NR1H4: variants seen among roughly 807,000 people sequenced by gnomAD.
The protein encoded by NR1H4 is nuclear receptor subfamily 1 group H member 4, also known as bile acid receptor.
NR1H4 carries 23 observed loss-of-function variants against 58.5 expected under a neutral mutation model. The observed-to-expected ratio is 0.39, with a 90% CI of 0.28 to 0.56. The LOEUF is 0.56. Ranked by LOEUF, NR1H4 falls within the 20% of genes least tolerant of loss-of-function variation. NR1H4 has a pLI of 0.58. For missense variants in NR1H4, 487 were observed against 576.9 expected, an observed-to-expected ratio of 0.84 and a Z score of 1.60; for synonymous variants, 214 against 198.0, an observed-to-expected ratio of 1.08 and a Z score of -0.68.
intron 3 of NR1H4, among the ~76,000 whole-genome samples, chr12:100,502,100 AGC>A (rs1953848865): frequency 6.6e-6 from 1 of 152,256 alleles, no homozygotes; most frequent in South Asian, 2.1e-4. Context: ...TGTTGTGCTA[AGC>A]ATTTTATAAA....
intron 3 of NR1H4, among the ~76,000 whole-genome samples, chr12:100,502,914 C>T (rs760605153): frequency 3.9e-5 from 6 of 152,158 alleles, no homozygotes; most frequent in Admixed American, 1.3e-4. Context: ...GGGAAACCAA[C>T]CCCATGATTC....
At chr12:100,538,279 A>G (rs1954858570) in intron 8 of NR1H4, among the ~76,000 whole-genome samples, 2 of 152,156 alleles carry the variant, frequency 1.3e-5, no homozygotes, top group African/African-American at 2.4e-5. Context: ...ATGTAAGATG[A>G]ATTTGAATGG....
intron 3 of NR1H4, among the ~76,000 whole-genome samples, chr12:100,500,447 C>T (rs747576947): frequency 6.6e-6 from 1 of 152,178 alleles, no homozygotes; most frequent in Non-Finnish European, 1.5e-5. Context: ...AGCTCTACTT[C>T]GTCCAATACA....
intron 4 of NR1H4, among the ~76,000 whole-genome samples, chr12:100,532,099 CTT>C (rs557294782): frequency 9.2e-5 from 14 of 152,308 alleles, no homozygotes; most frequent in African/African-American, 3.4e-4. Flanking sequence ...CCTTTAAACT[CTT>C]GGAGCCCAGG....
At chr12:100,511,230 C>G in intron 4 of NR1H4, 87 bp downstream of exon 4, 1 of 1,561,802 alleles carries the variant, frequency 6.4e-7, no homozygotes, top group Non-Finnish European at 8.8e-7. Flanking sequence ...TCCCTTTTCC[C>G]AGGCAACTTC....
intron 9 of NR1H4, among the ~76,000 whole-genome samples, chr12:100,543,559 T>TTG (rs60277729): frequency 0.061 from 8,904 of 145,618 alleles, 409 homozygotes; most frequent in East Asian, 0.16. Flanking sequence ...TCTGGACAGA[T>TTG]TGTGTGTGTG....
At chr12:100,510,645 A>G in intron 3 of NR1H4, 133 bp from the exon 4 acceptor site, 1 of 565,908 alleles carries the variant, frequency 1.8e-6, no homozygotes, top group South Asian at 1.8e-5. Flanking sequence ...ACTCTAAAGA[A>G]GTTGTAAACT....
chr12:100,552,935 C>A (rs1955236604), intron 9 of NR1H4, among the ~76,000 whole-genome samples: 2 of 151,340 alleles, frequency 1.3e-5, no homozygotes, highest in Non-Finnish European at 2.9e-5. Flanking sequence ...AAAAAAAAAT[C>A]TATGGAGCAC....
chr12:100,554,191 C>T (rs934276573), intron 9 of NR1H4, among the ~76,000 whole-genome samples: 6 of 152,270 alleles, frequency 3.9e-5, no homozygotes, highest in East Asian at 3.8e-4. Context: ...CTTTGTGTGC[C>T]GTGTCAGGGA....
rs546809457 is a variant in NR1H4 at position 100,486,731 on chromosome 12, C to T, written c.-189-5772C>T. On this transcript the variant is annotated intron_variant, in intron 1 of 10. Transcript: ENST00000392986. ...GATATTGATACAAGAAGTAACTGCA[C>T]GATCAATGGAAAACTAAAGTCTTAA... Among the ~76,000 whole-genome samples the T allele has an allele frequency of 1.1e-3, 162 of 151,388 alleles. 1 individual carries two copies. Among genetic ancestry groups the T allele is most frequent in the African/African-American group, 3.6e-3 (148 of 41,224 alleles).
In NR1H4 at chr12:100,534,929, G is replaced by A. The variant is rs902388995; in HGVS notation, c.638G>A (p.Arg213Lys). The change falls in exon 6 of 11, where the codon AGA (arginine) becomes AAA (lysine). Residue 213 changes from arginine to lysine, a missense_variant. By Grantham distance (26) the Arg-to-Lys change is conservative (BLOSUM62 2). Transcript: ENST00000392986. Reference protein sequence around the residue: ...TEIQCKSKRLRKNVKQHADQT... With the variant: ...TEIQCKSKRLKKNVKQHADQT... ...ATTCAGTGTAAATCTAAGCGACTGAGAAAAAATGTGAAGCAGCATGCAGAT... is the reference window on the plus strand; with the variant it reads ...ATTCAGTGTAAATCTAAGCGACTGAAAAAAAATGTGAAGCAGCATGCAGAT... 3 of 1,614,084 alleles carry A rather than the reference G, an allele frequency of 1.9e-6. No homozygotes were observed. Among genetic ancestry groups the A allele is most frequent in the African/African-American group, 2.7e-5 (2 of 74,936 alleles).
chr12:100,533,856 G>A (rs1474367579), intron 5 of NR1H4, among the ~76,000 whole-genome samples: 1 of 151,942 alleles, frequency 6.6e-6, no homozygotes, highest in African/African-American at 2.4e-5. Flanking sequence ...ATGGGATGAA[G>A]GGAAGATTGT....
chr12:100,517,426 C>T (rs78167205), intron 4 of NR1H4, among the ~76,000 whole-genome samples: 2,677 of 152,260 alleles, frequency 0.018, 62 homozygotes, highest in African/African-American at 0.055. Flanking sequence ...TTGATCCAGT[C>T]ATCCATTGAT....
At chr12:100,532,159 T>C (rs1327680704) in intron 4 of NR1H4, among the ~76,000 whole-genome samples, 1 of 152,232 alleles carries the variant, frequency 6.6e-6, no homozygotes, top group African/African-American at 2.4e-5. Flanking sequence ...CTCACTGGCA[T>C]AGAATTGTCC....
intron 3 of NR1H4, among the ~76,000 whole-genome samples, chr12:100,510,552 AGTCT>A (rs1219785079): frequency 6.8e-6 from 1 of 147,920 alleles, no homozygotes; most frequent in African/African-American, 2.5e-5. Flanking sequence ...TAATGAGATG[AGTCT>A]GTCCTCTATG....
rs576575012 is a variant in NR1H4, at chr12:100,543,688, G to C, written c.1078+2870G>C. Among the ~76,000 whole-genome samples, 4 of 152,090 alleles carry C rather than the reference G, an allele frequency of 2.6e-5. No homozygotes were observed. The East Asian group carries it at 7.7e-4, about 29-fold the overall frequency. On this transcript the variant is annotated intron_variant, in intron 9 of 10. Transcript: ENST00000392986. ...CTCTCTTAAATAATTCAATTTTCCT[G>C]ATGGGTGGTTTAGCTAGTCACTAGG...
intron 5 of NR1H4, among the ~76,000 whole-genome samples, chr12:100,534,220 A>G (rs570683178): frequency 3.9e-5 from 6 of 152,334 alleles, no homozygotes; most frequent in South Asian, 2.1e-4. Context: ...GTGTAAATCA[A>G]TGAGGTTGAT....
chr12:100,510,653 A>G, intron 3 of NR1H4, 125 bp from the exon 4 acceptor site: 2 of 663,930 alleles, frequency 3.0e-6, no homozygotes, highest in Non-Finnish European at 5.1e-6. Context: ...GAAGTTGTAA[A>G]CTTTTATGTA....
At chr12:100,548,450 G>A (rs1054841029) in intron 9 of NR1H4, among the ~76,000 whole-genome samples, 3 of 151,790 alleles carry the variant, frequency 2.0e-5, no homozygotes, top group Non-Finnish European at 2.9e-5. Context: ...TTCAGAACAG[G>A]CAAGGCTTTC....
Sources: gnomAD v4.1 joint callset for allele counts (sites outside exome capture counted in the v4.1 genomes callset) on GRCh38, gnomAD v4.1.1 for gene constraint, MANE v1.5 for transcripts, NCBI Gene and HGNC (gene_info 2026-07-23, HGNC 2026-07-21) for gene names.